Variants in WDFY2 observed in about 807,000 individuals in gnomAD.
WDFY2 encodes the protein WD repeat and FYVE domain containing 2, also known as WD repeat and FYVE domain-containing protein 2.
A neutral mutation model predicts 56.4 loss-of-function variants in WDFY2; 36 were observed. The observed-to-expected ratio is 0.64, with a 90% CI of 0.49 to 0.84. The LOEUF (loss-of-function observed/expected upper bound fraction) is 0.84. Among genes scored for constraint, WDFY2 ranks in the 40% least tolerant of loss-of-function variants. The probability of loss-of-function intolerance (pLI) is 0.00; values close to 1 mark genes in which losing one functional copy is unlikely to be tolerated. For synonymous variants in WDFY2, 176 were observed against 183.7 expected (o/e 0.96, Z 0.34); for missense variants, 444 against 512.2 (o/e 0.87, Z 1.29).
At chr13:51,687,675 A>G (rs1956084072) in intron 3 of WDFY2, among the ~76,000 whole-genome samples, 1 of 152,058 alleles carries the variant, frequency 6.6e-6, no homozygotes, top group Non-Finnish European at 1.5e-5. Flanking sequence ...CCTCTCATAT[A>G]TTGTATATTA....
rs370214720 is a variant in WDFY2, at chr13:51,608,112, A to G, written c.137+23288A>G. Among the ~76,000 whole-genome samples, 354 of 152,166 alleles carry G rather than the reference A, an allele frequency of 2.3e-3. 2 individuals are homozygous for G. Among genetic ancestry groups the G allele is most frequent in the South Asian group, 0.018 (89 of 4,820 alleles). On this transcript the variant is annotated intron_variant, in intron 1 of 11. Transcript: ENST00000298125. ...GACACCTTGATTTTAGCCCCTTAAC[A>G]CTCACTTTGGACTTCTGACCTTCAG...
chr13:51,697,391 G>T (rs541289361), intron 3 of WDFY2, among the ~76,000 whole-genome samples: 1 of 152,052 alleles, frequency 6.6e-6, no homozygotes, highest in South Asian at 2.1e-4. Flanking sequence ...CAGCACTTTC[G>T]GAAGGCTGAG....
intron 1 of WDFY2, among the ~76,000 whole-genome samples, chr13:51,604,365 G>A (rs1486942815): frequency 6.6e-6 from 1 of 152,138 alleles, no homozygotes. Flanking sequence ...CTGCCAAACA[G>A]AAACTCAGAG....
chr13:51,755,962 A>G (rs1379683756), intron 9 of WDFY2, among the ~76,000 whole-genome samples: 1 of 152,016 alleles, frequency 6.6e-6, no homozygotes, highest in Non-Finnish European at 1.5e-5. Context: ...GGTTTCCTGC[A>G]TGTTCTCCTT....
intron 4 of WDFY2, among the ~76,000 whole-genome samples, chr13:51,708,715 A>G (rs1952144140): frequency 6.6e-6 from 1 of 152,214 alleles, no homozygotes; most frequent in Non-Finnish European, 1.5e-5. Context: ...GGCAATTAAA[A>G]GGCAGTTAGT....
chr13:51,719,697 G>T lies in WDFY2; in HGVS notation c.485+349G>T, dbSNP rs75946044. The stretch of plus-strand genomic sequence containing the variant: ...CACCAAAATGTAATCTTTGCTCTTT[G>T]TACAGAAGTAATTTACACATAGATA... On this transcript the variant is annotated intron_variant, in intron 5 of 11. Coordinates refer to ENST00000298125, the MANE Select transcript of WDFY2 (RefSeq NM_052950.4). Among the ~76,000 whole-genome samples, 7 of 152,264 alleles carry T rather than the reference G, an allele frequency of 4.6e-5. No homozygotes were observed. The East Asian group carries it at 1.3e-3, about 29-fold the overall frequency.
Position 51,762,341 on chromosome 13 carries a change from C to T in WDFY2, c.*2572C>T, listed in dbSNP as rs1425371513. 1 of 152,320 alleles carries T rather than the reference C, an allele frequency of 6.6e-6. No individual in the cohort carries two copies. The highest frequency in any genetic ancestry group is 2.4e-5 in the African/African-American group (1 of 41,476). 9.4% of individuals were successfully genotyped at this position (152,320 alleles called of 1,614,324 possible). ...CTGGCCTGTGACCTTGCACGCCACT[C>T]TACCTTCTCCCTCCCAGCCCACAGA... On this transcript the variant is annotated 3_prime_UTR_variant, in exon 12 of 12. Coordinates refer to ENST00000298125, the MANE Select transcript of WDFY2 (RefSeq NM_052950.4).
chr13:51,663,881 A>G (rs961565362), intron 2 of WDFY2, among the ~76,000 whole-genome samples: 2 of 152,258 alleles, frequency 1.3e-5, no homozygotes, highest in African/African-American at 2.4e-5. Context: ...CTACATAATA[A>G]GTAGCATTCC....
chr13:51,652,162 C>T (rs1190939761), intron 1 of WDFY2, among the ~76,000 whole-genome samples: 1 of 152,086 alleles, frequency 6.6e-6, no homozygotes, highest in African/African-American at 2.4e-5. Context: ...TATGTAATGG[C>T]CTTCTTTGTC....
intron 10 of WDFY2, among the ~76,000 whole-genome samples, chr13:51,757,914 C>A (rs1953449691): frequency 6.6e-6 from 1 of 151,780 alleles, no homozygotes; most frequent in Non-Finnish European, 1.5e-5. Flanking sequence ...GTTTTAAAAG[C>A]TCGGGTGGAG....
intron 6 of WDFY2, among the ~76,000 whole-genome samples, chr13:51,732,291 C>T (rs182344208): frequency 1.2e-3 from 186 of 152,058 alleles, no homozygotes; most frequent in African/African-American, 4.4e-3. Context: ...CCACCATGGC[C>T]GACTAATTTT....
intron 3 of WDFY2, among the ~76,000 whole-genome samples, chr13:51,691,160 G>C (rs1349055953): frequency 1.3e-5 from 2 of 152,222 alleles, no homozygotes; most frequent in Non-Finnish European, 2.9e-5. Flanking sequence ...TGTTCACTCT[G>C]ATGGTAGTTT....
At chr13:51,755,703 C>T (rs1953358623) in intron 9 of WDFY2, among the ~76,000 whole-genome samples, 1 of 152,166 alleles carries the variant, frequency 6.6e-6, no homozygotes, top group Admixed American at 6.5e-5. Context: ...CTGTTGGCCT[C>T]TATTGCAGTG....
chr13:51,693,976 G>A (rs1326402915), intron 3 of WDFY2, among the ~76,000 whole-genome samples: 2 of 151,852 alleles, frequency 1.3e-5, no homozygotes, highest in Non-Finnish European at 2.9e-5. Flanking sequence ...TTGGTTTAAA[G>A]TCTGTTTTAT....
In WDFY2 at chr13:51,675,133, G is replaced by T. The variant is rs200595276; in HGVS notation, c.206-37G>T. ...CACTCCTGAGTCGATGAGAATCATG[G>T]TTTTGTTAATTTCATCAACATGTTC... On this transcript the variant is annotated intron_variant, in intron 2 of 11. Coordinates refer to ENST00000298125, the MANE Select transcript of WDFY2 (RefSeq NM_052950.4). 1.1e-5 allele frequency: 18 copies of T among 1,598,070 alleles called. No homozygotes were observed. The East Asian group carries it at 3.6e-4, about 32-fold the overall frequency.
chr13:51,755,509 A>C, intron 9 of WDFY2, 50 bp downstream of exon 9: 188 of 1,562,160 alleles, frequency 1.2e-4, no homozygotes, highest in Non-Finnish European at 1.5e-4. Flanking sequence ...GAAATAGCTC[A>C]ACCATGTGAT....
At chr13:51,711,357 A>G (rs1455328526) in intron 4 of WDFY2, among the ~76,000 whole-genome samples, 4 of 152,218 alleles carry the variant, frequency 2.6e-5, no homozygotes, top group African/African-American at 9.7e-5. Flanking sequence ...CCTAGGCATT[A>G]CCATTCAGGA....
intron 1 of WDFY2, among the ~76,000 whole-genome samples, chr13:51,638,285 G>C (rs763891574): frequency 6.6e-6 from 1 of 152,222 alleles, no homozygotes; most frequent in Non-Finnish European, 1.5e-5. Context: ...AAGGAGACCA[G>C]CTAGTATGCT....
At chr13:51,675,789 T>C (rs189751246) in intron 3 of WDFY2, among the ~76,000 whole-genome samples, 4 of 152,312 alleles carry the variant, frequency 2.6e-5, no homozygotes, top group South Asian at 4.1e-4. Context: ...TGTAGATAGA[T>C]CCACATAAAT....
Sources: allele counts gnomAD v4.1 joint callset (sites outside exome capture counted in the v4.1 genomes callset), GRCh38; gene constraint gnomAD v4.1.1; transcripts MANE v1.5; gene names NCBI Gene and HGNC (gene_info 2026-07-23, HGNC 2026-07-21).